Variants in GLI3 observed in about 807,000 individuals in gnomAD.
The protein encoded by GLI3 is GLI family zinc finger 3.
A neutral mutation model predicts 100.8 loss-of-function variants in GLI3; 20 were observed. That is an observed-to-expected ratio of 0.20 (90% CI 0.14 to 0.29). The LOEUF (loss-of-function observed/expected upper bound fraction) is 0.29. GLI3 is among the 10% of genes least tolerant of loss of function. The pLI is 1.00. For synonymous variants in GLI3, 938 were observed against 860.5 expected (o/e 1.09, Z -1.58); for missense variants, 2,040 against 2,128.5 (o/e 0.96, Z 0.82).
At chr7:42,241,339 CCAGGCT>C (rs1788922917), upstream of GLI3, among the ~76,000 whole-genome samples, 3 of 152,152 alleles carry the variant, frequency 2.0e-5, no homozygotes, top group African/African-American at 4.8e-5. Flanking sequence ...TTCCCCTTGG[CCAGGCT>C]CACCTCTCTA....
chr7:42,028,125 C>T (rs1789174961), intron 7 of GLI3, among the ~76,000 whole-genome samples: 1 of 152,162 alleles, frequency 6.6e-6, no homozygotes, highest in African/African-American at 2.4e-5. Flanking sequence ...TAACAGCCCC[C>T]CTTCCTTTGG....
chr7:42,247,237 C>T lies in GLI3; in HGVS notation c.-43+16757G>A, dbSNP rs553341462. 1.1e-4 allele frequency among the ~76,000 whole-genome samples: 17 copies of T among 152,270 alleles called. No individual in the cohort carries two copies. The South Asian group carries it at 3.1e-3, about 28-fold the overall frequency. ...ATATAAACTCATAGCAGCATACCTT[C>T]GAGTCCTTTCCTAAAGACTCCCATA... is the stretch of plus-strand genomic sequence containing the variant. On this transcript the variant is annotated intron_variant, in intron 1 of 2. Transcript: ENST00000678978.
chr7:42,028,624 C>T (rs1489787400), intron 7 of GLI3, among the ~76,000 whole-genome samples: 1 of 151,924 alleles, frequency 6.6e-6, no homozygotes, highest in African/African-American at 2.4e-5. Context: ...ATTAGCCAGG[C>T]GTGATGGCAT....
At chr7:42,077,750 T>A (rs1784911574) in intron 3 of GLI3, among the ~76,000 whole-genome samples, 1 of 152,058 alleles carries the variant, frequency 6.6e-6, no homozygotes, top group South Asian at 2.1e-4. Context: ...AAAAAGTGAT[T>A]CACTGTAAAA....
intron 3 of GLI3, among the ~76,000 whole-genome samples, chr7:42,084,131 T>C (rs1785052662): frequency 1.3e-5 from 2 of 152,224 alleles, no homozygotes; most frequent in African/African-American, 2.4e-5. Context: ...TGTGTAAGCA[T>C]GCAGACTATT....
chr7:41,987,337 T>A (rs1787859509), intron 10 of GLI3, among the ~76,000 whole-genome samples: 1 of 152,060 alleles, frequency 6.6e-6, no homozygotes, highest in African/African-American at 2.4e-5. Flanking sequence ...CCCAGCTAAT[T>A]TTTGTATTTT....
intron 12 of GLI3, 118 bp downstream of exon 12, chr7:41,977,440 C>T (rs1323263593): frequency 3.9e-6 from 4 of 1,032,770 alleles, no homozygotes; most frequent in Non-Finnish European, 3.0e-6. Context: ...CAGAGCCCCT[C>T]ATGCTGGGAA....
At chr7:42,242,406 G>T (rs993971685), upstream of GLI3, among the ~76,000 whole-genome samples, 1 of 152,250 alleles carries the variant, frequency 6.6e-6, no homozygotes, top group Non-Finnish European at 1.5e-5. Flanking sequence ...TACATAAACT[G>T]CAGGTTTTAC....
At chr7:42,105,900 C>T (rs1444610276) in intron 3 of GLI3, among the ~76,000 whole-genome samples, 6 of 152,138 alleles carry the variant, frequency 3.9e-5, no homozygotes, top group African/African-American at 1.4e-4. Flanking sequence ...TGAGGTCACG[C>T]CCGAGGTACA....
chr7:42,192,775 T>C (rs1256628527), intron 2 of GLI3, among the ~76,000 whole-genome samples: 1 of 152,252 alleles, frequency 6.6e-6, no homozygotes, highest in Admixed American at 6.5e-5. Context: ...TAAGCATACC[T>C]TGGGGTCCAC....
chr7:42,030,416 C>T (rs1243450266), intron 7 of GLI3, among the ~76,000 whole-genome samples: 1 of 152,230 alleles, frequency 6.6e-6, no homozygotes, highest in Non-Finnish European at 1.5e-5. Flanking sequence ...GCCTACCACA[C>T]TCAAAAGAGT....
chr7:42,083,815 T>C (rs1341948478), intron 3 of GLI3, among the ~76,000 whole-genome samples: 1 of 152,210 alleles, frequency 6.6e-6, no homozygotes, highest in African/African-American at 2.4e-5. Context: ...CATTAATCAA[T>C]AGACATCTCA....
chr7:42,110,367 AAACTT>A (rs1562735257), intron 3 of GLI3, among the ~76,000 whole-genome samples: 1 of 152,220 alleles, frequency 6.6e-6, no homozygotes, highest in Non-Finnish European at 1.5e-5. Flanking sequence ...TCATTCATTC[AAACTT>A]CAACAGATAC....
At chr7:42,140,694 C>A (rs959884640) in intron 3 of GLI3, among the ~76,000 whole-genome samples, 9 of 152,128 alleles carry the variant, frequency 5.9e-5, no homozygotes, top group African/African-American at 1.9e-4. Context: ...CAAGCCCTTT[C>A]CCTAAGAACT....
chr7:42,085,800 C>G (rs998828892), intron 3 of GLI3, among the ~76,000 whole-genome samples: 28 of 152,172 alleles, frequency 1.8e-4, no homozygotes, highest in African/African-American at 6.5e-4. Context: ...CTCAGCATAT[C>G]AAGAGGTTTA....
intron 2 of GLI3, among the ~76,000 whole-genome samples, chr7:42,179,555 T>C (rs985105847): frequency 2.0e-5 from 3 of 152,144 alleles, no homozygotes; most frequent in African/African-American, 2.4e-5. Context: ...GTGAGGAAAC[T>C]GAGGGCTGTT....
intron 4 of GLI3, among the ~76,000 whole-genome samples, chr7:42,065,862 T>C (rs1784663698): frequency 1.3e-5 from 2 of 152,164 alleles, no homozygotes; most frequent in South Asian, 4.1e-4. Context: ...CTTTCACTGA[T>C]TTTAAGGCTA....
At chr7:42,190,893 T>C (rs1324593589) in intron 2 of GLI3, among the ~76,000 whole-genome samples, 1 of 151,894 alleles carries the variant, frequency 6.6e-6, no homozygotes, top group East Asian at 1.9e-4. Flanking sequence ...AGATCATCAA[T>C]AGGTCAAAGG....
rs920066134 is a variant in GLI3, at chr7:42,169,504, T to C, written c.125-21036A>G. Reference sequence around the variant, plus strand: ...GGAGCATGCACTGTTATTAGCAGGATAGCATTGGTGCATGTTGAATACTCA... The same window carrying C: ...GGAGCATGCACTGTTATTAGCAGGACAGCATTGGTGCATGTTGAATACTCA... On this transcript the variant is annotated intron_variant, in intron 2 of 14. Coordinates refer to ENST00000395925, the MANE Select transcript of GLI3 (RefSeq NM_000168.6). Among the ~76,000 whole-genome samples, 4 of 152,196 alleles carry C rather than the reference T, an allele frequency of 2.6e-5. No individual in the cohort carries two copies. In the East Asian group the frequency reaches 7.7e-4, roughly 29 times the overall value.
Sources: gnomAD v4.1 joint callset for allele counts (sites outside exome capture counted in the v4.1 genomes callset) on GRCh38, gnomAD v4.1.1 for gene constraint, MANE v1.5 for transcripts, NCBI Gene and HGNC (gene_info 2026-07-23, HGNC 2026-07-21) for gene names.